Variants in AR observed in about 807,000 individuals in gnomAD.
AR encodes the protein androgen receptor.
AR carries 8 observed loss-of-function variants against 53.9 expected under a neutral mutation model. The ratio of observed to expected loss-of-function variants is 0.15; its 90% CI spans 0.09 to 0.27. The LOEUF (loss-of-function observed/expected upper bound fraction) is 0.27, where lower values mean the gene tolerates loss of function less well. AR is among the 10% of genes least tolerant of loss of function. The pLI, the probability that AR is intolerant of heterozygous loss-of-function variation, is 1.00. For missense variants in AR, 639 were observed against 742.5 expected, an observed-to-expected ratio of 0.86 and a Z score of 1.62; for synonymous variants, 359 against 316.4, an observed-to-expected ratio of 1.13 and a Z score of -1.43.
intron 1 of AR, among the ~76,000 whole-genome samples, chrX:67,561,564 A>G (rs1921306251): frequency 8.9e-6 from 1 of 112,287 alleles, no homozygotes; most frequent in African/African-American, 3.2e-5. Flanking sequence ...ACCATTTTAT[A>G]TGTTTTAGTT....
Position 67,672,973 on chromosome X carries a change from C to T in AR, c.1769-13037C>T, listed in dbSNP as rs758112547. On this transcript the variant is annotated intron_variant, in intron 2 of 7. Transcript: ENST00000374690. ...ATGAATTCCTTCAGCTCTTGTTGATCTGTGAAAGTCTTTATTTTTCCTTCA... is the reference window on the plus strand; with the variant it reads ...ATGAATTCCTTCAGCTCTTGTTGATTTGTGAAAGTCTTTATTTTTCCTTCA... Among the ~76,000 whole-genome samples, 3 of 110,299 alleles carry T rather than the reference C, an allele frequency of 2.7e-5. No homozygotes were observed. The East Asian group carries it at 8.6e-4, about 32-fold the overall frequency.
At chrX:67,663,486 A>G (rs1358621870) in intron 2 of AR, among the ~76,000 whole-genome samples, 1 of 112,559 alleles carries the variant, frequency 8.9e-6, no homozygotes, top group African/African-American at 3.2e-5. Flanking sequence ...GTTTCTGCTG[A>G]GAGATCAGCT....
chrX:67,708,117 G>C (rs2076076906), intron 3 of AR, among the ~76,000 whole-genome samples: 1 of 111,375 alleles, frequency 9.0e-6, no homozygotes, highest in Non-Finnish European at 1.9e-5. Flanking sequence ...ATAATTATGT[G>C]TCTTGGAGTT....
chrX:67,632,561 G>A (rs112200289), intron 1 of AR, among the ~76,000 whole-genome samples: 7,672 of 111,864 alleles, frequency 0.069, 666 homozygotes, highest in African/African-American at 0.24. Flanking sequence ...AGTGAGATGA[G>A]CCCGCTACCT....
chrX:67,665,074 G>A (rs891087981), intron 2 of AR, among the ~76,000 whole-genome samples: 4 of 112,964 alleles, frequency 3.5e-5, no homozygotes, highest in Admixed American at 9.3e-5. Flanking sequence ...TGGGTGAGGC[G>A]ATGTCTCGCC....
At chrX:67,682,568 G>A (rs1191344585) in intron 2 of AR, among the ~76,000 whole-genome samples, 6 of 111,511 alleles carry the variant, frequency 5.4e-5, no homozygotes, top group Non-Finnish European at 1.1e-4. Context: ...TGGGATTACA[G>A]GAGTGAGCCA....
At chrX:67,695,205 C>CTTTA (rs2076014401) in intron 3 of AR, 2 of 755,323 alleles carry the variant, frequency 2.6e-6, no homozygotes, top group East Asian at 1.5e-4. Context: ...CTGTGGCCAT[C>CTTTA]TTTATTTGTG....
At chrX:67,604,196 ATATG>A (rs1273140412) in intron 1 of AR, among the ~76,000 whole-genome samples, 1 of 73,820 alleles carries the variant, frequency 1.4e-5, no homozygotes, top group East Asian at 5.3e-4. Flanking sequence ...CTGGGGAGAA[ATATG>A]TGTGTGTGTG....
intron 3 of AR, among the ~76,000 whole-genome samples, chrX:67,710,280 T>A (rs1255510198): frequency 1.8e-5 from 2 of 111,874 alleles, no homozygotes; most frequent in Admixed American, 9.5e-5. Flanking sequence ...CAACATTCAG[T>A]ATTTGTCTAT....
intron 2 of AR, among the ~76,000 whole-genome samples, chrX:67,649,495 T>C (rs1424438400): frequency 8.9e-6 from 1 of 112,070 alleles, no homozygotes; most frequent in Non-Finnish European, 1.9e-5. Flanking sequence ...CCACCAACAA[T>C]GTAAAAGTGT....
intron 2 of AR, among the ~76,000 whole-genome samples, chrX:67,661,896 A>C (rs1384518698): frequency 9.0e-6 from 1 of 111,478 alleles, no homozygotes; most frequent in Non-Finnish European, 1.9e-5. Context: ...TCAGAGATTC[A>C]ACTTCTTCCT....
At chrX:67,716,284 G>T (rs1481452995) in intron 4 of AR, among the ~76,000 whole-genome samples, 1 of 111,851 alleles carries the variant, frequency 8.9e-6, no homozygotes, top group East Asian at 2.8e-4. Context: ...GCTATAATTG[G>T]GTGAGGCTAC....
intron 3 of AR, among the ~76,000 whole-genome samples, chrX:67,690,863 C>T (rs192705096): frequency 9.0e-6 from 1 of 111,649 alleles, no homozygotes; most frequent in East Asian, 2.8e-4. Context: ...AATAAAGGCA[C>T]AGAGACATGA....
rs2147543641 is a variant in AR, at chrX:67,726,032, C to A, written c.*2191C>A. 1 of 174,584 alleles carries A rather than the reference C, an allele frequency of 5.7e-6. No homozygotes were observed. The highest frequency in any genetic ancestry group is 3.1e-4 in the South Asian group (1 of 3,215). 14.4% of individuals were successfully genotyped at this position (174,584 alleles called of 1,213,427 possible). On this transcript the variant is annotated 3_prime_UTR_variant, in exon 8 of 8. Transcript: ENST00000374690. ...ATCAAGCTGCCCATTTTAATTGATT[C>A]ACTCTGTTTGTTGAGAGGATAGTTT...
intron 3 of AR, among the ~76,000 whole-genome samples, chrX:67,707,416 T>G (rs750180654): frequency 2.5e-4 from 28 of 111,944 alleles, no homozygotes; most frequent in Non-Finnish European, 5.3e-4. Context: ...TCTCTTTTGA[T>G]CTTTGTTGGT....
chrX:67,581,734 C>T (rs12840191), intron 1 of AR, among the ~76,000 whole-genome samples: 1 of 111,886 alleles, frequency 8.9e-6, no homozygotes, highest in Non-Finnish European at 1.9e-5. Context: ...TTAGTTTACA[C>T]AGCCAGTAAG....
intron 2 of AR, among the ~76,000 whole-genome samples, chrX:67,661,296 T>G (rs1926900072): frequency 9.0e-6 from 1 of 110,870 alleles, no homozygotes; most frequent in South Asian, 3.9e-4. Flanking sequence ...TGTGCCAGTT[T>G]TCAAAGGGAA....
intron 1 of AR, among the ~76,000 whole-genome samples, chrX:67,565,033 A>G (rs924411117): frequency 9.0e-6 from 1 of 111,254 alleles, no homozygotes; most frequent in Non-Finnish European, 1.9e-5. Flanking sequence ...CTCTTTGCCC[A>G]CCGCCATTTT....
chrX:67,671,174 C>T (rs767025537), intron 2 of AR, among the ~76,000 whole-genome samples: 6 of 112,009 alleles, frequency 5.4e-5, no homozygotes, highest in African/African-American at 9.7e-5. Context: ...TAATGAATTG[C>T]CACACTGTCT....
Sources: gnomAD v4.1 joint callset for allele counts (sites outside exome capture counted in the v4.1 genomes callset) on GRCh38, gnomAD v4.1.1 for gene constraint, MANE v1.5 for transcripts, NCBI Gene and HGNC (gene_info 2026-07-23, HGNC 2026-07-21) for gene names.